The following FBXO10 variants were observed in gnomAD, a reference collection of about 807,000 sequenced individuals.
The protein encoded by FBXO10 is F-box protein 10, also known as F-box only protein 10.
In FBXO10, 39 loss-of-function variants were observed where a neutral mutation model predicts 80.7. That is an observed-to-expected ratio of 0.48 (90% confidence interval 0.37 to 0.63). FBXO10 has a LOEUF of 0.63. Ranked by LOEUF, FBXO10 falls within the 30% of genes least tolerant of loss-of-function variation. The pLI is 0.00. For missense variants in FBXO10, 1,025 were observed against 1,269.0 expected, an observed-to-expected ratio of 0.81 and a Z score of 2.92; for synonymous variants, 449 against 489.6, an observed-to-expected ratio of 0.92 and a Z score of 1.09.
chr9:37,567,891 C>A (rs1164322284), intron 1 of FBXO10, among the ~76,000 whole-genome samples: 1 of 152,206 alleles, frequency 6.6e-6, no homozygotes, highest in Non-Finnish European at 1.5e-5. Flanking sequence ...CGCTTCTACT[C>A]TATTTAGTCC....
chr9:37,558,803 G>T (rs1406715297), intron 1 of FBXO10, among the ~76,000 whole-genome samples: 2 of 144,426 alleles, frequency 1.4e-5, no homozygotes, highest in Non-Finnish European at 3.0e-5. Flanking sequence ...AGATCAAGAA[G>T]AAAGAAAATC....
intron 6 of FBXO10, among the ~76,000 whole-genome samples, chr9:37,524,155 C>T (rs982054559): frequency 6.6e-6 from 1 of 152,192 alleles, no homozygotes; most frequent in Admixed American, 6.5e-5. Flanking sequence ...CGGCCCTACA[C>T]GGAAGGTTCT....
rs779923917 is a variant in FBXO10 at position 37,521,811 on chromosome 9, A to G, written c.1958T>C (p.Met653Thr). The change falls in exon 8 of 11, where the codon ATG (methionine) becomes ACG (threonine). Residue 653 changes from methionine to threonine, a missense_variant. By Grantham distance (81) the Met-to-Thr change is moderately conservative. This residue lies in a region of FBXO10 where 478 missense variants were observed against 667.8 expected (regional missense o/e 0.72). Transcript: ENST00000432825. ...GGTGACATGGGGGAGGCTGGACGAC[A>G]TCATCCACACACCACAGCCCTTGTT... The part of the protein sequence containing the change: ...YANKGCGVWM[M>T]SSSLPHVTSN... The G allele has an allele frequency of 3.1e-6, 5 of 1,600,534 alleles. No homozygotes were observed. In the South Asian group the frequency reaches 5.5e-5, roughly 18 times the overall value.
intron 1 of FBXO10, among the ~76,000 whole-genome samples, chr9:37,573,466 T>C (rs1244461647): frequency 2.0e-5 from 3 of 152,188 alleles, no homozygotes; most frequent in South Asian, 2.1e-4. Context: ...AATAAGGGCA[T>C]TGAGCAGCAG....
intron 1 of FBXO10, among the ~76,000 whole-genome samples, chr9:37,565,296 T>C (rs1297693930): frequency 2.0e-5 from 3 of 152,136 alleles, no homozygotes; most frequent in Non-Finnish European, 4.4e-5. Context: ...GAGCACAGAC[T>C]AACACAGTGC....
At chr9:37,541,002 G>T (rs1459657893) in intron 2 of FBXO10, among the ~76,000 whole-genome samples, 182 bp downstream of exon 2, 2 of 152,216 alleles carry the variant, frequency 1.3e-5, no homozygotes, top group African/African-American at 4.8e-5. Context: ...GAATAAAGCA[G>T]AATTCTGAAC....
intron 7 of FBXO10, chr9:37,522,526 CAT>C: frequency 8.8e-7 from 1 of 1,141,716 alleles, no homozygotes; most frequent in Non-Finnish European, 1.1e-6. Context: ...GTTAGATGCA[CAT>C]GAGCCAGGGC....
chr9:37,532,129 CTGAG>C (rs1267717612), intron 3 of FBXO10, 71 bp from the exon 4 acceptor site: 1 of 1,500,608 alleles, frequency 6.7e-7, no homozygotes, highest in Non-Finnish European at 9.0e-7. Context: ...GGAGGAACAC[CTGAG>C]TCTTTTCCGC....
rs369577487 is a variant in FBXO10, at chr9:37,537,164, T to C, written c.1365A>G (p.Glu455=). 1 of 1,613,948 alleles carries C rather than the reference T, an allele frequency of 6.2e-7. No individual in the cohort carries two copies. The highest frequency in any genetic ancestry group is 8.5e-7 in the Non-Finnish European group (1 of 1,179,900). Residue 455 remains glutamate, a synonymous_variant, in exon 3 of 11, where the codon GAA becomes GAG. Transcript: ENST00000432825. ...AAGTCAGGTTCCGGAAGATGTTTCCTTCCATCTTGGCTCTGCCGTGGGAGC... is the reference window on the plus strand; with the variant it reads ...AAGTCAGGTTCCGGAAGATGTTTCCCTCCATCTTGGCTCTGCCGTGGGAGC... ...FVCSHGRAKM[E]GNIFRNLTYA...
At chr9:37,519,772 C>CGATGGA (rs1218186291) in intron 8 of FBXO10, among the ~76,000 whole-genome samples, 11 of 152,186 alleles carry the variant, frequency 7.2e-5, no homozygotes, top group Non-Finnish European at 1.3e-4. Context: ...TCCCTGTCCT[C>CGATGGA]TACCACTACC....
At chr9:37,530,370 G>A (rs1821588456) in intron 4 of FBXO10, among the ~76,000 whole-genome samples, 1 of 152,202 alleles carries the variant, frequency 6.6e-6, no homozygotes, top group Non-Finnish European at 1.5e-5. Context: ...CAGGGCTGAA[G>A]AGCTCCAAAA....
At position 37,560,600 on chromosome 9, in the gene FBXO10, A is replaced by G. The variant is rs902518145; in HGVS notation, c.-7+15611T>C. Among the ~76,000 whole-genome samples the G allele has an allele frequency of 5.3e-5, 8 of 152,010 alleles. 1 individual carries two copies. The highest frequency in any genetic ancestry group is 5.2e-4 in the Admixed American group (8 of 15,252). ...ACACTAATCCATGGAGATTCATGAA[A>G]CAACAGGGACTTCTTAGAACAAGGT... On this transcript the variant is annotated intron_variant, in intron 1 of 10. Transcript: ENST00000432825.
intron 1 of FBXO10, among the ~76,000 whole-genome samples, chr9:37,560,828 G>A (rs748098021): frequency 6.6e-6 from 1 of 152,078 alleles, no homozygotes; most frequent in Non-Finnish European, 1.5e-5. Flanking sequence ...GCCCCAAGTG[G>A]TTCCGTTTTT....
chr9:37,534,937 A>T (rs1821720502), intron 3 of FBXO10, among the ~76,000 whole-genome samples: 1 of 152,190 alleles, frequency 6.6e-6, no homozygotes. Context: ...TCAAGACCAC[A>T]GACACAGCAC....
chr9:37,523,791 C>T (rs2119071353), intron 6 of FBXO10, among the ~76,000 whole-genome samples: 1 of 152,256 alleles, frequency 6.6e-6, no homozygotes, highest in Middle Eastern at 3.4e-3. Flanking sequence ...GTGGCACATG[C>T]CTGTAATCCC....
chr9:37,514,859 A>T (rs1202857721), intron 10 of FBXO10: 2 of 152,192 alleles, frequency 1.3e-5, no homozygotes, highest in Non-Finnish European at 2.9e-5. Flanking sequence ...ATAATTAGGT[A>T]TACCTACATC....
At position 37,533,426 on chromosome 9, in the gene FBXO10, G is replaced by T. The variant is rs539159733; in HGVS notation, c.1420-1368C>A. 2.8e-4 allele frequency among the ~76,000 whole-genome samples: 43 copies of T among 151,946 alleles called. No individual in the cohort carries two copies. In the South Asian group the frequency reaches 4.8e-3, roughly 17 times the overall value. ...CCAGGCATGGTGGCAGATGCCTGTAGTCCCAGCTACTCAGGAGGCTAAGGC... is the reference window on the plus strand; with the variant it reads ...CCAGGCATGGTGGCAGATGCCTGTATTCCCAGCTACTCAGGAGGCTAAGGC... On this transcript the variant is annotated intron_variant, in intron 3 of 10. Transcript: ENST00000432825.
At chr9:37,551,860 T>C (rs1331488261) in intron 1 of FBXO10, among the ~76,000 whole-genome samples, 1 of 152,230 alleles carries the variant, frequency 6.6e-6, no homozygotes, top group Non-Finnish European at 1.5e-5. Context: ...CTTTTCCCAT[T>C]TTACTATAAG....
At chr9:37,521,460 A>G in intron 8 of FBXO10, 109 bp downstream of exon 8, 1 of 1,309,052 alleles carries the variant, frequency 7.6e-7, no homozygotes, top group Non-Finnish European at 1.0e-6. Context: ...TTTGACATTA[A>G]AGTTTACTTT....
Sources: allele counts gnomAD v4.1 joint callset (sites outside exome capture counted in the v4.1 genomes callset), GRCh38; gene constraint gnomAD v4.1.1; regional missense constraint gnomAD v4.1.1; transcripts MANE v1.5; gene names NCBI Gene and HGNC (gene_info 2026-07-23, HGNC 2026-07-21).